The following CD44 variants were observed in gnomAD, a reference collection of about 807,000 sequenced individuals.
CD44 encodes the protein CD44 antigen.
In CD44, 49 loss-of-function variants were observed where a neutral mutation model predicts 88.8. That is an observed-to-expected ratio of 0.55 (90% CI 0.44 to 0.70). CD44 has a LOEUF of 0.70. Ranked by LOEUF, CD44 falls within the 30% of genes least tolerant of loss-of-function variation. The probability of loss-of-function intolerance (pLI) is 0.00; values close to 1 mark genes in which losing one functional copy is unlikely to be tolerated. For missense variants in CD44, 883 were observed against 913.8 expected (o/e 0.97, Z 0.43); for synonymous variants, 325 against 312.3 (o/e 1.04, Z -0.43).
rs1354004595 is a variant in CD44 at position 35,210,003 on chromosome 11, G to A, written c.1555G>A (p.Gly519Ser). 3.2e-6 allele frequency: 5 copies of A among 1,573,894 alleles called. No homozygotes were observed. Among genetic ancestry groups the A allele is most frequent in the South Asian group, 1.2e-5 (1 of 84,260 alleles). Residue 519 changes from glycine (G) to serine (S), a missense_variant, in exon 13 of 18, where the codon GGC becomes AGC. Gly to Ser is a moderately conservative substitution (Grantham distance 56). Coordinates refer to ENST00000428726, the MANE Select transcript of CD44 (RefSeq NM_000610.4). ...TCAGAGCTTCTCTACATCACATGAA[G>A]GCTTGGAAGAAGATAAAGACCATCC... is the stretch of plus-strand genomic sequence containing the variant. ...NSQSFSTSHE[G>S]LEEDKDHPTT...
At chr11:35,223,388 A>C (rs1949458353) in intron 17 of CD44, 2 of 602,458 alleles carry the variant, frequency 3.3e-6, no homozygotes, top group Non-Finnish European at 4.2e-6. Flanking sequence ...TACACAGTCC[A>C]TAAGCTTTGC....
At chr11:35,161,114 C>T (rs1185036736) in intron 1 of CD44, among the ~76,000 whole-genome samples, 1 of 152,160 alleles carries the variant, frequency 6.6e-6, no homozygotes. Context: ...GAGTAAGAGG[C>T]ACTTTACTTT....
chr11:35,229,126 T>C lies in CD44; in HGVS notation c.2025-3T>C. 1 of 1,610,136 alleles carries C rather than the reference T, an allele frequency of 6.2e-7. No homozygotes were observed. The highest frequency in any genetic ancestry group is 1.1e-5 in the South Asian group (1 of 90,634). ...TGATATGGTACATTTTTTAAATTATTAGGTGTGGGCAGAAGAAAAAGCTAG... is the reference window on the plus strand; with the variant it reads ...TGATATGGTACATTTTTTAAATTATCAGGTGTGGGCAGAAGAAAAAGCTAG... On this transcript the variant is annotated splice_region_variant and splice_polypyrimidine_tract_variant and intron_variant, in intron 17 of 17. Transcript: ENST00000428726.
At chr11:35,222,915 A>T in intron 17 of CD44, 1 of 985,418 alleles carries the variant, frequency 1.0e-6, no homozygotes, top group Non-Finnish European at 1.2e-6. Context: ...GAAGACCTAG[A>T]GAGAATTATG....
chr11:35,153,327 AG>A (rs536629783), intron 1 of CD44, among the ~76,000 whole-genome samples: 8 of 152,324 alleles, frequency 5.3e-5, no homozygotes, highest in Admixed American at 5.2e-4. Flanking sequence ...GAAATGGCGT[AG>A]GTGTTTACAC....
rs541895606 is a variant in CD44 at position 35,178,954 on chromosome 11, C to A, written c.234-1320C>A. On this transcript the variant is annotated intron_variant, in intron 2 of 17. Coordinates refer to ENST00000428726, the MANE Select transcript of CD44 (RefSeq NM_000610.4). ...CAGAGTCTCATGGGTTAGGATAAAACCTTAGCAGCTACTCTCTTTTGTCTG... is the reference window on the plus strand; with the variant it reads ...CAGAGTCTCATGGGTTAGGATAAAAACTTAGCAGCTACTCTCTTTTGTCTG... Among the ~76,000 whole-genome samples the A allele has an allele frequency of 1.1e-3, 172 of 152,160 alleles. 1 individual carries two copies. The highest frequency in any genetic ancestry group is 2.0e-3 in the Non-Finnish European group (138 of 68,038).
Position 35,232,209 on chromosome 11 carries a change from T to C in CD44, c.*2876T>C, listed in dbSNP as rs1950092355. On this transcript the variant is annotated 3_prime_UTR_variant, in exon 18 of 18. Coordinates refer to ENST00000428726, the MANE Select transcript of CD44 (RefSeq NM_000610.4). ...TTTTGAGTTTTCAAAGAATAGCCCATTGTTCATTCTTGTGCTGTACAATGA... is the reference window on the plus strand; with the variant it reads ...TTTTGAGTTTTCAAAGAATAGCCCACTGTTCATTCTTGTGCTGTACAATGA... 1 of 152,672 alleles carries C rather than the reference T, an allele frequency of 6.5e-6. No homozygotes were observed. The highest frequency in any genetic ancestry group is 2.4e-5 in the African/African-American group (1 of 41,460). 9.5% of individuals were successfully genotyped at this position (152,672 alleles called of 1,614,324 possible).
chr11:35,151,037 G>A (rs1860221641), intron 1 of CD44, among the ~76,000 whole-genome samples: 1 of 152,204 alleles, frequency 6.6e-6, no homozygotes, highest in African/African-American at 2.4e-5. Context: ...TCAGAAGACA[G>A]GAAAAACAGA....
At chr11:35,187,000 T>G in intron 4 of CD44, 100 bp downstream of exon 4, 1 of 770,960 alleles carries the variant, frequency 1.3e-6, no homozygotes, top group Non-Finnish European at 2.3e-6. Context: ...AGGCCAGGTG[T>G]GGTGGCTCAC....
chr11:35,176,495 G>A, intron 1 of CD44, 80 bp from the exon 2 acceptor site: 1 of 1,356,968 alleles, frequency 7.4e-7, no homozygotes, highest in Non-Finnish European at 1.0e-6. Flanking sequence ...ACTTTTTAAG[G>A]AGTCTGTCCT....
intron 1 of CD44, among the ~76,000 whole-genome samples, chr11:35,154,886 A>G (rs1000274310): frequency 1.3e-5 from 2 of 151,404 alleles, no homozygotes; most frequent in African/African-American, 4.8e-5. Flanking sequence ...GGATGATTCC[A>G]GGAAGTCAAT....
rs533671539 is a variant in CD44, at chr11:35,174,614, C to T, written c.68-1961C>T. On this transcript the variant is annotated intron_variant, in intron 1 of 17. Transcript: ENST00000428726. Reference sequence around the variant, plus strand: ...TCAAGTAGAAGAGGATGATTTCTAGCTCTCTATTGGAATTTCAGATTAATG... The same window carrying T: ...TCAAGTAGAAGAGGATGATTTCTAGTTCTCTATTGGAATTTCAGATTAATG... Among the ~76,000 whole-genome samples, 9 of 152,320 alleles carry T rather than the reference C, an allele frequency of 5.9e-5. 1 individual carries two copies. The East Asian group carries it at 1.7e-3, about 29-fold the overall frequency.
At chr11:35,203,164 A>C (rs1345489446) in intron 9 of CD44, among the ~76,000 whole-genome samples, 1 of 152,196 alleles carries the variant, frequency 6.6e-6, no homozygotes, top group Non-Finnish European at 1.5e-5. Context: ...TAACATCACA[A>C]CTTCTAGAAG....
intron 1 of CD44, among the ~76,000 whole-genome samples, chr11:35,156,166 C>T (rs911200088): frequency 3.9e-5 from 6 of 152,098 alleles, no homozygotes; most frequent in Non-Finnish European, 5.9e-5. Context: ...GGAAAAAGTC[C>T]TTCCTAATAG....
chr11:35,216,973 C>G (rs545826290), intron 15 of CD44, among the ~76,000 whole-genome samples: 1 of 152,372 alleles, frequency 6.6e-6, no homozygotes, highest in South Asian at 2.1e-4. Flanking sequence ...TGAACAATCT[C>G]TGTGCATATG....
chr11:35,169,762 C>G (rs139654509), intron 1 of CD44, among the ~76,000 whole-genome samples: 1 of 152,304 alleles, frequency 6.6e-6, no homozygotes, highest in East Asian at 1.9e-4. Context: ...ATCTATTTTC[C>G]TTGATCTGAG....
chr11:35,155,294 A>C (rs1411033031), intron 1 of CD44, among the ~76,000 whole-genome samples: 1 of 152,216 alleles, frequency 6.6e-6, no homozygotes, highest in Non-Finnish European at 1.5e-5. Context: ...ATAAAATTGC[A>C]CTTCAGGTAG....
chr11:35,142,313 A>G (rs1858149551), intron 1 of CD44, among the ~76,000 whole-genome samples: 1 of 152,170 alleles, frequency 6.6e-6, no homozygotes. Flanking sequence ...TATATACCCA[A>G]AGGACTACAA....
intron 9 of CD44, among the ~76,000 whole-genome samples, chr11:35,204,304 A>T (rs1457765640): frequency 6.6e-6 from 1 of 152,208 alleles, no homozygotes; most frequent in Non-Finnish European, 1.5e-5. Flanking sequence ...ACTTCTTTGG[A>T]CCACAATTTT....
Sources: gnomAD v4.1 joint callset for allele counts (sites outside exome capture counted in the v4.1 genomes callset) on GRCh38, gnomAD v4.1.1 for gene constraint, MANE v1.5 for transcripts, NCBI Gene and HGNC (gene_info 2026-07-23, HGNC 2026-07-21) for gene names.